Variants in RORA observed in about 807,000 individuals in gnomAD.
RORA encodes the protein RAR related orphan receptor A.
In RORA, 7 loss-of-function variants were observed where a neutral mutation model predicts 69.5. That is an observed-to-expected ratio of 0.10 (90% CI 0.06 to 0.19). RORA has a LOEUF of 0.19. Ranked by LOEUF, RORA falls within the 10% of genes least tolerant of loss-of-function variation. RORA has a pLI of 1.00. For synonymous variants in RORA, 261 were observed against 240.8 expected, an observed-to-expected ratio of 1.08 and a Z score of -0.78; for missense variants, 457 against 663.0, an observed-to-expected ratio of 0.69 and a Z score of 3.41.
chr15:60,516,061 ATATATTTATATATATT>A (rs2065901587), intron 3 of RORA, among the ~76,000 whole-genome samples: 3 of 62,716 alleles, frequency 4.8e-5, no homozygotes, highest in East Asian at 4.3e-4. Flanking sequence ...ATATATTTAT[ATATATTTATATATATT>A]TATTTATATA....
chr15:60,758,623 C>T (rs1029749275), intron 1 of RORA, among the ~76,000 whole-genome samples: 1 of 152,172 alleles, frequency 6.6e-6, no homozygotes, highest in African/African-American at 2.4e-5. Context: ...CCACGACTCT[C>T]TCAACTAGTT....
At chr15:60,702,511 C>A (rs547840583) in intron 1 of RORA, among the ~76,000 whole-genome samples, 1 of 152,164 alleles carries the variant, frequency 6.6e-6, no homozygotes, top group Non-Finnish European at 1.5e-5. Context: ...GGATTACAGG[C>A]GTGAGCCACC....
At chr15:60,928,287 C>A (rs375970165) in intron 1 of RORA, among the ~76,000 whole-genome samples, 3 of 152,214 alleles carry the variant, frequency 2.0e-5, no homozygotes, top group African/African-American at 7.2e-5. Context: ...GGAAATACTT[C>A]ATGTTCCTTT....
At chr15:60,592,203 A>T (rs1194845568) in intron 2 of RORA, among the ~76,000 whole-genome samples, 4 of 151,576 alleles carry the variant, frequency 2.6e-5, no homozygotes, top group Non-Finnish European at 5.9e-5. Flanking sequence ...AGGCAGGCCG[A>T]TCCCGTGGCC....
intron 1 of RORA, among the ~76,000 whole-genome samples, chr15:60,970,703 G>A (rs1893689200): frequency 6.6e-6 from 1 of 152,160 alleles, no homozygotes; most frequent in African/African-American, 2.4e-5. Flanking sequence ...ATATTCATAT[G>A]GTAATAAAGC....
At chr15:61,154,282 G>C (rs544319892) in intron 1 of RORA, among the ~76,000 whole-genome samples, 1 of 152,122 alleles carries the variant, frequency 6.6e-6, no homozygotes, top group African/African-American at 2.4e-5. Context: ...AAGATAGGAA[G>C]GACCCACAGG....
chr15:60,558,334 A>G (rs201288629), intron 2 of RORA: 2 of 1,494,018 alleles, frequency 1.3e-6, no homozygotes, highest in East Asian at 2.3e-5. Context: ...GCCTATCTCA[A>G]AAAAGCTACT....
At chr15:61,099,173 A>G (rs1261512804) in intron 1 of RORA, among the ~76,000 whole-genome samples, 1 of 152,208 alleles carries the variant, frequency 6.6e-6, no homozygotes, top group Non-Finnish European at 1.5e-5. Flanking sequence ...TCAAGAACAT[A>G]TCTAATTACG....
chr15:61,222,842 A>G (rs2140949508), intron 1 of RORA, among the ~76,000 whole-genome samples: 1 of 152,292 alleles, frequency 6.6e-6, no homozygotes, highest in East Asian at 1.9e-4. Flanking sequence ...TTCTAACCCT[A>G]GAGTTTCCTA....
intron 1 of RORA, among the ~76,000 whole-genome samples, chr15:60,716,695 G>A (rs181616455): frequency 6.6e-6 from 1 of 152,042 alleles, no homozygotes; most frequent in Non-Finnish European, 1.5e-5. Context: ...CTTTCTGATT[G>A]TAGGTTTTAA....
At chr15:61,075,549 G>C (rs1240484644) in intron 1 of RORA, among the ~76,000 whole-genome samples, 1 of 152,174 alleles carries the variant, frequency 6.6e-6, no homozygotes, top group Non-Finnish European at 1.5e-5. Context: ...GTAAGGGTTT[G>C]GGTTGAGCAA....
chr15:60,660,380 A>G (rs548396606), intron 2 of RORA, among the ~76,000 whole-genome samples: 1 of 152,344 alleles, frequency 6.6e-6, no homozygotes, highest in African/African-American at 2.4e-5. Context: ...TGCTTTAAAG[A>G]TATTTTGCTA....
intron 1 of RORA, among the ~76,000 whole-genome samples, chr15:60,924,035 G>C (rs1892131801): frequency 6.6e-6 from 1 of 152,210 alleles, no homozygotes; most frequent in South Asian, 2.1e-4. Flanking sequence ...GGTCCAGAAA[G>C]GGCCAGCCCA....
chr15:60,766,455 C>T (rs2071993449), intron 1 of RORA, among the ~76,000 whole-genome samples: 1 of 152,182 alleles, frequency 6.6e-6, no homozygotes, highest in African/African-American at 2.4e-5. Flanking sequence ...CAAAGAGCTT[C>T]CTGCTGTCAA....
chr15:60,532,256 A>G (rs904352852), intron 2 of RORA, among the ~76,000 whole-genome samples: 7 of 152,224 alleles, frequency 4.6e-5, no homozygotes, highest in African/African-American at 1.4e-4. Flanking sequence ...CTTGACTGCT[A>G]GAGAAAAATA....
chr15:60,843,632 G>A lies in RORA; in HGVS notation c.167-164946C>T, dbSNP rs149764843. Among the ~76,000 whole-genome samples, 62 of 152,204 alleles carry A rather than the reference G, an allele frequency of 4.1e-4. 1 individual carries two copies. Among genetic ancestry groups the A allele is most frequent in the Admixed American group, 3.0e-3 (46 of 15,296 alleles). On this transcript the variant is annotated intron_variant, in intron 1 of 10. Transcript: ENST00000335670. ...ACAGTTGTCAGGAGGGGTCAAGGAC[G>A]CTTTCAAGATTCACACTCTGACCGT...
chr15:60,517,821 GT>G (rs1367637549), intron 3 of RORA, among the ~76,000 whole-genome samples: 1 of 152,196 alleles, frequency 6.6e-6, no homozygotes, highest in East Asian at 1.9e-4. Context: ...GCCTGCTACA[GT>G]TTCTTGTGTG....
At chr15:60,618,460 C>T (rs1426365722) in intron 2 of RORA, among the ~76,000 whole-genome samples, 1 of 152,102 alleles carries the variant, frequency 6.6e-6, no homozygotes, top group African/African-American at 2.4e-5. Context: ...AGCAGTGCCC[C>T]AAAAATGTGT....
rs60429076 is a variant in RORA at position 60,791,107 on chromosome 15, G to T, written c.167-112421C>A. 6.2e-3 allele frequency among the ~76,000 whole-genome samples: 944 copies of T among 152,188 alleles called. 8 individuals carry two copies. Among genetic ancestry groups the T allele is most frequent in the African/African-American group, 0.022 (905 of 41,522 alleles). On this transcript the variant is annotated intron_variant, in intron 1 of 10. Coordinates refer to ENST00000335670, the MANE Select transcript of RORA (RefSeq NM_134261.3). Reference sequence around the variant, plus strand: ...AAGTCTGGCTCTTTTAGAATCAAACGTACATAAAACTGATTGTAGAACGAG... The same window carrying T: ...AAGTCTGGCTCTTTTAGAATCAAACTTACATAAAACTGATTGTAGAACGAG...
Sources: allele counts gnomAD v4.1 joint callset (sites outside exome capture counted in the v4.1 genomes callset), GRCh38; gene constraint gnomAD v4.1.1; transcripts MANE v1.5; gene names NCBI Gene and HGNC (gene_info 2026-07-23, HGNC 2026-07-21).